SORL1: variants seen among roughly 807,000 people sequenced by gnomAD.
SORL1 encodes sortilin related receptor 1.
SORL1 carries 127 observed loss-of-function variants against 273.7 expected under a neutral mutation model. The observed-to-expected ratio is 0.46, with a 90% CI of 0.40 to 0.54. SORL1 has a LOEUF of 0.54. SORL1 is among the 20% of genes least tolerant of loss of function. SORL1 has a pLI of 0.00. For missense variants in SORL1, 2,494 were observed against 2,846.1 expected, an observed-to-expected ratio of 0.88 and a Z score of 2.81; for synonymous variants, 1,031 against 1,067.4, an observed-to-expected ratio of 0.97 and a Z score of 0.66.
rs764515382 is a variant in SORL1 at position 121,559,503 on chromosome 11, A to C, written c.2911-16A>C. 3.1e-6 allele frequency: 5 copies of C among 1,610,996 alleles called. No individual in the cohort carries two copies. Among genetic ancestry groups the C allele is most frequent in the Middle Eastern group, 1.7e-4 (1 of 6,048 alleles). Reference sequence around the variant, plus strand: ...AACGAAAGAGCTGGACTAATGGGCAAAGGTTTTCTTTTTAGAATGAAATCT... The same window carrying C: ...AACGAAAGAGCTGGACTAATGGGCACAGGTTTTCTTTTTAGAATGAAATCT... On this transcript the variant is annotated splice_polypyrimidine_tract_variant and intron_variant, in intron 20 of 47. Coordinates refer to ENST00000260197, the MANE Select transcript of SORL1 (RefSeq NM_003105.6).
Position 121,629,945 on chromosome 11 carries a change from TCTC to T in SORL1, c.*385_*387del. The T allele has an allele frequency of 4.6e-6, 1 of 217,586 alleles. No individual in the cohort carries two copies. The highest frequency in any genetic ancestry group is 9.3e-6 in the Non-Finnish European group (1 of 107,668). The allele number at this position is 217,586 out of a possible 1,614,324, so 13.5% of individuals were successfully genotyped here. Reference sequence around the variant, plus strand: ...CGAGAGAGTGATGGGTGGAACCCCTTCTCCTTGAAAGTGTGTACAGATATTCCA... The same window carrying T: ...CGAGAGAGTGATGGGTGGAACCCCTTCTTGAAAGTGTGTACAGATATTCCA... On this transcript the variant is annotated 3_prime_UTR_variant, in exon 48 of 48. Coordinates refer to ENST00000260197, the MANE Select transcript of SORL1 (RefSeq NM_003105.6).
chr11:121,560,485 C>T (rs1862654533), intron 21 of SORL1, among the ~76,000 whole-genome samples: 1 of 152,176 alleles, frequency 6.6e-6, no homozygotes, highest in Admixed American at 6.5e-5. Context: ...AGAGGATTAC[C>T]AGGAAGAATA....
chr11:121,618,956 A>G (rs1011458171), intron 42 of SORL1, 63 bp downstream of exon 42: 202 of 1,583,900 alleles, frequency 1.3e-4, no homozygotes, highest in Non-Finnish European at 1.6e-4. Flanking sequence ...TCTGGTCTCA[A>G]CCCAGGACCT....
At chr11:121,534,269 T>C (rs1157510306) in intron 12 of SORL1, among the ~76,000 whole-genome samples, 1 of 152,214 alleles carries the variant, frequency 6.6e-6, no homozygotes, top group African/African-American at 2.4e-5. Context: ...AAATTTGCAT[T>C]CCAAACTGGC....
rs1282317889 is a variant in SORL1, at chr11:121,473,459, A to C, written c.402+3336A>C. The stretch of plus-strand genomic sequence containing the variant: ...GTGATAAATCAACAAAAGAATTAAT[A>C]GATGTTTATCTCACCTTTTCCTAAC... On this transcript the variant is annotated intron_variant, in intron 2 of 47. Coordinates refer to ENST00000260197, the MANE Select transcript of SORL1 (RefSeq NM_003105.6). Among the ~76,000 whole-genome samples, 3 of 152,258 alleles carry C rather than the reference A, an allele frequency of 2.0e-5. No homozygotes were observed. The South Asian group carries it at 6.2e-4, about 32-fold the overall frequency.
At chr11:121,486,041 C>T (rs773589362) in intron 3 of SORL1, among the ~76,000 whole-genome samples, 2 of 152,184 alleles carry the variant, frequency 1.3e-5, no homozygotes, top group African/African-American at 2.4e-5. Flanking sequence ...GTGCAAAGTG[C>T]TGGTCCACAC....
In SORL1 at chr11:121,553,917, G is replaced by C. The variant is rs371079966; in HGVS notation, c.2267-20G>C. The C allele has an allele frequency of 1.2e-6, 2 of 1,605,890 alleles. No individual in the cohort carries two copies. The highest frequency in any genetic ancestry group is 3.4e-5 in the Admixed American group (2 of 59,614). ...GCATCCCCTGGGTCCAACCTCCCAC[G>C]TGTCTTGTGTGTCTGGCAGAAGAGA... On this transcript the variant is annotated intron_variant, in intron 16 of 47. Coordinates refer to ENST00000260197, the MANE Select transcript of SORL1 (RefSeq NM_003105.6).
At chr11:121,551,009 A>G (rs1017032170) in intron 16 of SORL1, among the ~76,000 whole-genome samples, 1 of 152,230 alleles carries the variant, frequency 6.6e-6, no homozygotes, top group African/African-American at 2.4e-5. Flanking sequence ...AAAGTTGAGT[A>G]TAAAGAGGTG....
In SORL1 at chr11:121,611,131, C is replaced by T. The variant is rs147735243; in HGVS notation, c.5295C>T (p.Phe1765=). The part of the protein sequence containing the change: ...IDSYGENYLS[F]TLTMESDIKV... ...GCTATGGTGAAAATTATCTAAGCTT[C>T]ACCCTGACCATGGAGAGTGATATCA... is the stretch of plus-strand genomic sequence containing the variant. Residue 1765 remains phenylalanine (F), a synonymous_variant, in exon 39 of 48, where the codon TTC becomes TTT. Coordinates refer to ENST00000260197, the MANE Select transcript of SORL1 (RefSeq NM_003105.6). 98 of 1,612,860 alleles carry T rather than the reference C, an allele frequency of 6.1e-5. No individual in the cohort carries two copies. The African/African-American group carries it at 1.2e-3, about 19-fold the overall frequency.
At chr11:121,480,792 T>C (rs1591556024) in intron 3 of SORL1, among the ~76,000 whole-genome samples, 1 of 143,726 alleles carries the variant, frequency 7.0e-6, no homozygotes, top group Non-Finnish European at 1.5e-5. Context: ...AGTGCACAGA[T>C]ACCTATAGGC....
chr11:121,470,452 A>G (rs1350450361), intron 2 of SORL1, among the ~76,000 whole-genome samples: 1 of 152,238 alleles, frequency 6.6e-6, no homozygotes, highest in Non-Finnish European at 1.5e-5. Context: ...GATGGAATCA[A>G]ATTGGCCTTT....
intron 1 of SORL1, among the ~76,000 whole-genome samples, chr11:121,466,365 AG>A (rs961730989): frequency 1.3e-5 from 2 of 152,098 alleles, no homozygotes; most frequent in African/African-American, 4.8e-5. Context: ...AGGGGAGATC[AG>A]GGGGAGATCC....
chr11:121,498,065 G>A (rs1861657632), intron 6 of SORL1, among the ~76,000 whole-genome samples: 1 of 152,152 alleles, frequency 6.6e-6, no homozygotes, highest in Non-Finnish European at 1.5e-5. Flanking sequence ...AAAGGCTAGA[G>A]GCATTTCCAG....
At chr11:121,597,793 A>G (rs1863321523) in intron 32 of SORL1, among the ~76,000 whole-genome samples, 2 of 152,154 alleles carry the variant, frequency 1.3e-5, no homozygotes, top group Non-Finnish European at 2.9e-5. Context: ...GAGGGACATC[A>G]AGTCAGCAGC....
intron 6 of SORL1, among the ~76,000 whole-genome samples, chr11:121,506,117 T>C (rs959890341): frequency 1.3e-5 from 2 of 152,362 alleles, no homozygotes; most frequent in Non-Finnish European, 2.9e-5. Flanking sequence ...CCTCATGTGC[T>C]TTGGAGTTCT....
At chr11:121,503,663 A>C (rs1388944420) in intron 6 of SORL1, among the ~76,000 whole-genome samples, 1 of 152,120 alleles carries the variant, frequency 6.6e-6, no homozygotes, top group Non-Finnish European at 1.5e-5. Flanking sequence ...AAGTTTTTGA[A>C]GAGACAGGGT....
At chr11:121,476,115 T>C (rs1190640564) in intron 2 of SORL1, among the ~76,000 whole-genome samples, 3 of 152,204 alleles carry the variant, frequency 2.0e-5, no homozygotes, top group African/African-American at 7.2e-5. Context: ...TATCAAATTA[T>C]GGGATGTCAG....
Position 121,618,909 on chromosome 11 carries a change from C to T in SORL1, c.5724+16C>T, listed in dbSNP as rs377174833. 1,842 of 1,613,766 alleles carry T rather than the reference C, an allele frequency of 1.1e-3. No individual in the cohort carries two copies. Among genetic ancestry groups the T allele is most frequent in the East Asian group, 1.4e-3 (64 of 44,858 alleles). On this transcript the variant is annotated intron_variant, in intron 42 of 47. Coordinates refer to ENST00000260197, the MANE Select transcript of SORL1 (RefSeq NM_003105.6). ...TTTGTTTCTGGTAAGTTTCCCATAC[C>T]GTTTCAGTTTTTTAAGGGATGTCTT... is the stretch of plus-strand genomic sequence containing the variant.
At chr11:121,587,093 G>C (rs1408635088) in intron 27 of SORL1, among the ~76,000 whole-genome samples, 1 of 152,160 alleles carries the variant, frequency 6.6e-6, no homozygotes. Context: ...ATGCTGTAGT[G>C]GTGGACTTGA....
Sources: gnomAD v4.1 joint callset for allele counts (sites outside exome capture counted in the v4.1 genomes callset) on GRCh38, gnomAD v4.1.1 for gene constraint, MANE v1.5 for transcripts, NCBI Gene and HGNC (gene_info 2026-07-23, HGNC 2026-07-21) for gene names.